The following PPFIA1 variants were observed in gnomAD, a reference collection of about 807,000 sequenced individuals.
The protein encoded by PPFIA1 is liprin-alpha-1.
PPFIA1 carries 25 observed loss-of-function variants against 149.9 expected under a neutral mutation model. That is an observed-to-expected ratio of 0.17 (90% confidence interval 0.12 to 0.23). The LOEUF is 0.23. Among genes scored for constraint, PPFIA1 ranks in the 10% least tolerant of loss-of-function variants. The pLI is 1.00. For missense variants in PPFIA1, 1,362 were observed against 1,506.5 expected (o/e 0.90, Z 1.59); for synonymous variants, 549 against 552.8 (o/e 0.99, Z 0.10).
chr11:70,328,682 C>G (rs1342181649), intron 7 of PPFIA1, among the ~76,000 whole-genome samples: 1 of 151,314 alleles, frequency 6.6e-6, no homozygotes, highest in Non-Finnish European at 1.5e-5. Context: ...ACTAATTTAC[C>G]CTCCCACCAA....
At chr11:70,303,512 A>G (rs1191975893) in intron 2 of PPFIA1, among the ~76,000 whole-genome samples, 2 of 152,198 alleles carry the variant, frequency 1.3e-5, no homozygotes, top group Non-Finnish European at 2.9e-5. Context: ...AGAATTGCTT[A>G]CCTGTGAACT....
In PPFIA1 at chr11:70,372,554, A is replaced by C. The variant is rs2057317506; in HGVS notation, c.3119A>C (p.Glu1040Ala). 1 of 1,612,080 alleles carries C rather than the reference A, an allele frequency of 6.2e-7. No individual in the cohort carries two copies. The highest frequency in any genetic ancestry group is 1.3e-5 in the African/African-American group (1 of 74,902). Reference sequence around the variant, plus strand: ...AAAGAACTGGAAAGAAAAAGAGAAGAAAGTCAGAGTGAAATAAAAGGTTAG... The same window carrying C: ...AAAGAACTGGAAAGAAAAAGAGAAGCAAGTCAGAGTGAAATAAAAGGTTAG... ...DRKELERKRE[E>A]SQSEIKDVLV... Residue 1040 changes from glutamate (E) to alanine (A), a missense_variant, in exon 23 of 28, where the codon GAA becomes GCA. Coordinates refer to ENST00000253925, the MANE Select transcript of PPFIA1 (RefSeq NM_003626.5).
chr11:70,377,448 A>ATTAG (rs138893745), intron 25 of PPFIA1, among the ~76,000 whole-genome samples: 19,093 of 152,182 alleles, frequency 0.13, 1,293 homozygotes, highest in Admixed American at 0.18. Flanking sequence ...ACCACCTCTA[A>ATTAG]AGATGAAGCA....
intron 2 of PPFIA1, among the ~76,000 whole-genome samples, chr11:70,318,554 T>C (rs1489473487): frequency 1.3e-5 from 2 of 152,240 alleles, no homozygotes; most frequent in Admixed American, 6.5e-5. Flanking sequence ...TGACCTCATA[T>C]CTTCTCCAGC....
intron 7 of PPFIA1, chr11:70,327,253 A>G (rs1252799867): frequency 6.1e-6 from 1 of 163,942 alleles, no homozygotes; most frequent in East Asian, 1.8e-4. Context: ...TAGCTCACGT[A>G]GGGCAATGTG....
chr11:70,297,261 T>A (rs1333095078), intron 2 of PPFIA1, among the ~76,000 whole-genome samples: 1 of 151,810 alleles, frequency 6.6e-6, no homozygotes, highest in Non-Finnish European at 1.5e-5. Flanking sequence ...ATCAAAAAGT[T>A]ATTTGGGCGT....
intron 2 of PPFIA1, among the ~76,000 whole-genome samples, chr11:70,285,991 T>C (rs2051091547): frequency 6.6e-6 from 1 of 152,204 alleles, no homozygotes; most frequent in South Asian, 2.1e-4. Flanking sequence ...GATGATGTAA[T>C]GTGGGAGCAC....
intron 4 of PPFIA1, 133 bp downstream of exon 4, chr11:70,325,144 T>C (rs1227812313): frequency 4.5e-6 from 4 of 889,058 alleles, no homozygotes; most frequent in African/African-American, 1.7e-5. Context: ...AGACAGGGTT[T>C]TGTAGGTTTA....
intron 2 of PPFIA1, among the ~76,000 whole-genome samples, chr11:70,301,115 G>A (rs1361656679): frequency 6.6e-6 from 1 of 152,132 alleles, no homozygotes; most frequent in Non-Finnish European, 1.5e-5. Flanking sequence ...CCAATTTTCT[G>A]ATCTTGGCCA....
chr11:70,302,727 A>G (rs1432086284), intron 2 of PPFIA1, among the ~76,000 whole-genome samples: 1 of 151,482 alleles, frequency 6.6e-6, no homozygotes, highest in Non-Finnish European at 1.5e-5. Context: ...GCAGAATATC[A>G]GGAATGTAAA....
rs548188506 is a variant in PPFIA1, at chr11:70,270,734, C to T, written c.-181C>T. 1 of 150,888 alleles carries T rather than the reference C, an allele frequency of 6.6e-6. No homozygotes were observed. The highest frequency in any genetic ancestry group is 2.1e-4 in the South Asian group (1 of 4,820). The allele number at this position is 150,888 out of a possible 1,614,324, so 9.3% of individuals were successfully genotyped here. ...CCGGGCCCGCTCCTCCTCCGCTCCGCCAGTGTCCGGCCGCGGGCCGGCCTT... is the reference window on the plus strand; with the variant it reads ...CCGGGCCCGCTCCTCCTCCGCTCCGTCAGTGTCCGGCCGCGGGCCGGCCTT... On this transcript the variant is annotated 5_prime_UTR_variant, in exon 1 of 28. Transcript: ENST00000253925.
At chr11:70,342,910 C>T (rs2055422353) in intron 14 of PPFIA1, among the ~76,000 whole-genome samples, 1 of 143,080 alleles carries the variant, frequency 7.0e-6, no homozygotes, top group Admixed American at 7.0e-5. Context: ...AAGTTATTCC[C>T]TTGCAGCTAT....
chr11:70,296,170 C>T (rs944069143), intron 2 of PPFIA1, among the ~76,000 whole-genome samples: 1 of 151,464 alleles, frequency 6.6e-6, no homozygotes, highest in Non-Finnish European at 1.5e-5. Flanking sequence ...GGATGGCGGC[C>T]AGGCAGAGAC....
chr11:70,360,462 G>T (rs1019046497), intron 19 of PPFIA1, among the ~76,000 whole-genome samples: 2 of 152,254 alleles, frequency 1.3e-5, no homozygotes, highest in African/African-American at 2.4e-5. Context: ...CCTTGGCCAG[G>T]CCCCGGACGC....
chr11:70,350,887 G>T, intron 16 of PPFIA1: 1 of 503,488 alleles, frequency 2.0e-6, no homozygotes. Context: ...CCTGTCTCCT[G>T]TCATTTCTAT....
intron 2 of PPFIA1, among the ~76,000 whole-genome samples, chr11:70,279,722 G>GGT (rs71046599): frequency 0.1 from 13,840 of 135,140 alleles, 730 homozygotes; most frequent in African/African-American, 0.13. Flanking sequence ...TATGTGTCTA[G>GGT]GTGTGTGTGT....
At chr11:70,277,350 G>A (rs2050471992) in intron 2 of PPFIA1, among the ~76,000 whole-genome samples, 1 of 151,600 alleles carries the variant, frequency 6.6e-6, no homozygotes. Context: ...TTTAATTTTA[G>A]ATATACTTTT....
chr11:70,295,001 G>A (rs1292487146), intron 2 of PPFIA1, among the ~76,000 whole-genome samples: 2 of 152,124 alleles, frequency 1.3e-5, no homozygotes, highest in Non-Finnish European at 2.9e-5. Context: ...TCTTTTCCCC[G>A]CCTTTCCCCG....
chr11:70,321,572 CAAG>C (rs2053944537), intron 2 of PPFIA1, among the ~76,000 whole-genome samples: 1 of 151,918 alleles, frequency 6.6e-6, no homozygotes, highest in Non-Finnish European at 1.5e-5. Context: ...TGAAAACAAA[CAAG>C]AAATTGCCCA....
Sources: allele counts gnomAD v4.1 joint callset (sites outside exome capture counted in the v4.1 genomes callset), GRCh38; gene constraint gnomAD v4.1.1; transcripts MANE v1.5; gene names NCBI Gene and HGNC (gene_info 2026-07-23, HGNC 2026-07-21).